The following MGAT4C variants were observed in gnomAD, a reference collection of about 807,000 sequenced individuals.
MGAT4C encodes MGAT4 family member C, also known as alpha-1,3-mannosyl-glycoprotein 4-beta-N-acetylglucosaminyltransferase C.
In MGAT4C, 19 loss-of-function variants were observed where a neutral mutation model predicts 40.1. The ratio of observed to expected loss-of-function variants is 0.47; its 90% CI spans 0.33 to 0.70. The LOEUF (loss-of-function observed/expected upper bound fraction) is 0.70, where lower values mean the gene tolerates loss of function less well. MGAT4C is among the 30% of genes least tolerant of loss of function. MGAT4C has a pLI of 0.02. For synonymous variants in MGAT4C, 181 were observed against 187.1 expected, an observed-to-expected ratio of 0.97 and a Z score of 0.27; for missense variants, 491 against 563.2, an observed-to-expected ratio of 0.87 and a Z score of 1.30.
At chr12:86,807,034 AT>A (rs1418048994) in intron 1 of MGAT4C, among the ~76,000 whole-genome samples, 26 of 151,824 alleles carry the variant, frequency 1.7e-4, no homozygotes, top group Non-Finnish European at 2.1e-4. Context: ...TAAAAAATAA[AT>A]AAATAAATTA....
intron 4 of MGAT4C, 25 bp from the exon 5 acceptor site, chr12:85,980,455 T>C: frequency 5.2e-6 from 8 of 1,537,266 alleles, no homozygotes; most frequent in Non-Finnish European, 6.1e-6. Flanking sequence ...TCAGAAGCAA[T>C]ACAAATGTGA....
At chr12:86,786,394 T>C (rs765443361) in intron 1 of MGAT4C, among the ~76,000 whole-genome samples, 3 of 152,094 alleles carry the variant, frequency 2.0e-5, no homozygotes, top group Non-Finnish European at 2.9e-5. Context: ...GATAAGTATA[T>C]ATTAACCAAT....
chr12:86,577,956 C>G (rs1960628213), intron 2 of MGAT4C, among the ~76,000 whole-genome samples: 1 of 151,728 alleles, frequency 6.6e-6, no homozygotes, highest in Admixed American at 6.6e-5. Flanking sequence ...ACAATGGTCA[C>G]AGTTCTCTTG....
At chr12:86,287,959 C>G (rs1010784681) in intron 4 of MGAT4C, among the ~76,000 whole-genome samples, 4 of 152,200 alleles carry the variant, frequency 2.6e-5, no homozygotes, top group African/African-American at 9.7e-5. Context: ...AATTTACACT[C>G]CCACCAACAG....
At chr12:86,204,670 A>G (rs1313135851) in intron 1 of MGAT4C, among the ~76,000 whole-genome samples, 1 of 152,092 alleles carries the variant, frequency 6.6e-6, no homozygotes, top group Non-Finnish European at 1.5e-5. Context: ...CCTTAGGCTG[A>G]TCATTTTCCT....
chr12:86,049,787 A>G, intron 1 of MGAT4C, 64 bp from the exon 2 acceptor site: 1 of 561,852 alleles, frequency 1.8e-6, no homozygotes, highest in Non-Finnish European at 2.3e-6. Context: ...TAAAAGTAAA[A>G]TAAAAAGTAT....
rs1956552662 is a variant in MGAT4C at position 86,409,210 on chromosome 12, G to C, written c.-120+25947C>G. On this transcript the variant is annotated intron_variant, in intron 3 of 7. Transcript: ENST00000548651. ...AAAGTAACTACAGGTTTATTCATTGGGCCAACCAAATTTTATCAAATAAAT... is the reference window on the plus strand; with the variant it reads ...AAAGTAACTACAGGTTTATTCATTGCGCCAACCAAATTTTATCAAATAAAT... Among the ~76,000 whole-genome samples, 3 of 151,888 alleles carry C rather than the reference G, an allele frequency of 2.0e-5. 1 individual carries two copies. The highest frequency in any genetic ancestry group is 4.2e-4 in the South Asian group (2 of 4,816).
chr12:86,420,796 C>T (rs2405796), intron 3 of MGAT4C, among the ~76,000 whole-genome samples: 102,783 of 137,360 alleles, frequency 0.75, 37,587 homozygotes, highest in East Asian at 0.93. Context: ...TATATATATA[C>T]ACACACACAT....
intron 3 of MGAT4C, among the ~76,000 whole-genome samples, chr12:86,401,848 A>G (rs907297386): frequency 5.3e-5 from 8 of 152,162 alleles, no homozygotes; most frequent in African/African-American, 1.9e-4. Context: ...AATAGTTAAC[A>G]GTCAAAAATA....
intron 1 of MGAT4C, among the ~76,000 whole-genome samples, chr12:86,211,289 G>A (rs1367670999): frequency 6.7e-6 from 1 of 149,452 alleles, no homozygotes; most frequent in Non-Finnish European, 1.5e-5. Flanking sequence ...ACAGCCAGGC[G>A]AGGTGGCTCA....
intron 1 of MGAT4C, 55 bp from the exon 2 acceptor site, chr12:86,049,778 A>C (rs1375564890): frequency 1.5e-6 from 1 of 665,786 alleles, no homozygotes; most frequent in Non-Finnish European, 1.9e-6. Context: ...TCTTGCTGAT[A>C]AAAGTAAAAT....
chr12:86,051,629 G>C (rs1189474486), intron 1 of MGAT4C, among the ~76,000 whole-genome samples: 1 of 151,432 alleles, frequency 6.6e-6, no homozygotes, highest in Non-Finnish European at 1.5e-5. Flanking sequence ...ATAATTATGT[G>C]TTCTATTTAG....
At chr12:86,290,101 T>C (rs11103912) in intron 4 of MGAT4C, among the ~76,000 whole-genome samples, 99,150 of 151,656 alleles carry the variant, frequency 0.65, 33,186 homozygotes, top group South Asian at 0.78. Flanking sequence ...TGCTGGAGTG[T>C]AGTGGTGCGA....
intron 2 of MGAT4C, among the ~76,000 whole-genome samples, chr12:86,605,893 A>C (rs1212347963): frequency 6.6e-6 from 1 of 152,164 alleles, no homozygotes; most frequent in African/African-American, 2.4e-5. Context: ...AGTCAGTTAT[A>C]CTGTTATAAA....
intron 1 of MGAT4C, among the ~76,000 whole-genome samples, chr12:86,145,055 C>T (rs1364569458): frequency 3.3e-5 from 5 of 152,112 alleles, no homozygotes; most frequent in Non-Finnish European, 7.4e-5. Flanking sequence ...AAACAAAAAG[C>T]TGTTTAAATG....
At chr12:86,423,416 CAT>C (rs994201841) in intron 3 of MGAT4C, among the ~76,000 whole-genome samples, 1 of 151,656 alleles carries the variant, frequency 6.6e-6, no homozygotes, top group African/African-American at 2.4e-5. Context: ...TCTCAGAAAA[CAT>C]AAGGTAATGA....
chr12:86,436,596 A>C (rs889822085), intron 2 of MGAT4C, among the ~76,000 whole-genome samples: 1 of 151,812 alleles, frequency 6.6e-6, no homozygotes, highest in East Asian at 1.9e-4. Flanking sequence ...TTATAGTTAT[A>C]TCATGATATA....
chr12:86,223,458 G>T (rs184027143), intron 1 of MGAT4C, among the ~76,000 whole-genome samples: 1 of 152,234 alleles, frequency 6.6e-6, no homozygotes, highest in Non-Finnish European at 1.5e-5. Context: ...GCTACTGCAG[G>T]CTACTGTGAT....
chr12:86,633,213 T>C (rs1283661239), intron 2 of MGAT4C, among the ~76,000 whole-genome samples: 1 of 152,050 alleles, frequency 6.6e-6, no homozygotes, highest in African/African-American at 2.4e-5. Context: ...AGATAAAATA[T>C]GCACTTATTT....
Sources: gnomAD v4.1 joint callset for allele counts (sites outside exome capture counted in the v4.1 genomes callset) on GRCh38, gnomAD v4.1.1 for gene constraint, MANE v1.5 for transcripts, NCBI Gene and HGNC (gene_info 2026-07-23, HGNC 2026-07-21) for gene names.